Variants in RBM47 observed in about 807,000 individuals in gnomAD.
The protein encoded by RBM47 is RNA binding motif protein 47, also known as RNA-binding protein 47.
Under a neutral mutation model 47.1 loss-of-function variants are expected in RBM47, and 21 were observed. The observed-to-expected ratio is 0.45, with a 90% CI of 0.32 to 0.64. The LOEUF is 0.64. RBM47 is among the 30% of genes least tolerant of loss of function. RBM47 has a pLI of 0.05. For synonymous variants in RBM47, 375 were observed against 361.7 expected (o/e 1.04, Z -0.42); for missense variants, 708 against 870.9 (o/e 0.81, Z 2.35).
chr4:40,503,029 TTTG>T (rs1553891720), intron 2 of RBM47, among the ~76,000 whole-genome samples: 1 of 150,448 alleles, frequency 6.6e-6, no homozygotes, highest in Non-Finnish European at 1.5e-5. Context: ...AACAGTTGAA[TTTG>T]TTAAGCCTGG....
rs750811346 is a variant in RBM47 at position 40,438,333 on chromosome 4, C to T, written c.561G>A (p.Ala187=). ...GVLDVIVYAS[A]ADKMKNRGFA... is the part of the protein sequence containing the mutation. ...AGCCGCGGTTCTTCATCTTGTCGGC[C>T]GCGCTGGCGTAGACGATCACGTCCA... The change falls in exon 4 of 7, where the codon GCG becomes GCA. Residue 187 remains alanine, a synonymous_variant. Coordinates refer to ENST00000295971, the MANE Select transcript of RBM47 (RefSeq NM_001098634.2). The T allele has an allele frequency of 3.1e-5, 50 of 1,609,432 alleles. No individual in the cohort carries two copies. The Middle Eastern group carries it at 9.9e-4, about 32-fold the overall frequency.
At chr4:40,620,822 C>A (rs999481812) in intron 1 of RBM47, among the ~76,000 whole-genome samples, 3 of 152,164 alleles carry the variant, frequency 2.0e-5, no homozygotes, top group Non-Finnish European at 4.4e-5. Flanking sequence ...GCGTGAGCCA[C>A]TGCACCCGGC....
intron 2 of RBM47, among the ~76,000 whole-genome samples, chr4:40,521,232 T>G (rs2154256194): frequency 6.6e-6 from 1 of 152,318 alleles, no homozygotes; most frequent in African/African-American, 2.4e-5. Context: ...AGACAGAGTC[T>G]GCTTGTTGCC....
chr4:40,620,195 GAA>G lies in RBM47; in HGVS notation c.-240+9199_-240+9200del, dbSNP rs200356171. ...TGGGCGATAGAGTGAGACTCAGTAT[GAA>G]AAAAAAAAAAAAAAAAAAAAAAACT... On this transcript the variant is annotated intron_variant, in intron 1 of 6. Coordinates refer to ENST00000295971, the MANE Select transcript of RBM47 (RefSeq NM_001098634.2). Among the ~76,000 whole-genome samples, 619 of 80,068 alleles carry G rather than the reference GAA, an allele frequency of 7.7e-3. 6 individuals are homozygous for G. Among genetic ancestry groups the G allele is most frequent in the African/African-American group, 0.034 (577 of 16,798 alleles). The allele number at this position is 80,068 out of a possible 152,430, so 52.5% of individuals were successfully genotyped here. A position where few individuals can be genotyped will look rare whatever the true frequency, so the allele number is the denominator to read the frequency against.
chr4:40,532,438 G>A (rs567764282), intron 2 of RBM47, among the ~76,000 whole-genome samples: 53 of 146,084 alleles, frequency 3.6e-4, no homozygotes, highest in African/African-American at 1.0e-3. Context: ...TCAGCCTCCC[G>A]AGTAGCTGGG....
chr4:40,573,807 A>AAAAGAAAAAGAAAGAAAG (rs1732012250), intron 1 of RBM47, among the ~76,000 whole-genome samples: 6 of 136,760 alleles, frequency 4.4e-5, no homozygotes, highest in African/African-American at 1.8e-4. Flanking sequence ...GAAAGAAAGA[A>AAAAGAAAAAGAAAGAAAG]AAAGAAAGAA....
intron 1 of RBM47, among the ~76,000 whole-genome samples, chr4:40,616,715 C>G (rs1333444055): frequency 6.6e-6 from 1 of 151,960 alleles, no homozygotes; most frequent in Non-Finnish European, 1.5e-5. Context: ...ACCCTTTTTA[C>G]AAAGCTTACA....
intron 1 of RBM47, among the ~76,000 whole-genome samples, chr4:40,589,501 A>G (rs1165151425): frequency 2.6e-5 from 4 of 151,936 alleles, no homozygotes; most frequent in Non-Finnish European, 5.9e-5. Context: ...CAGTGGCACA[A>G]TCTCAGCTCA....
chr4:40,555,907 A>G (rs1730033721), intron 1 of RBM47, among the ~76,000 whole-genome samples: 1 of 152,172 alleles, frequency 6.6e-6, no homozygotes, highest in African/African-American at 2.4e-5. Flanking sequence ...GACTTCCCAG[A>G]AGTCATGGCC....
intron 2 of RBM47, among the ~76,000 whole-genome samples, chr4:40,500,609 T>TAC (rs1310214226): frequency 6.6e-6 from 1 of 151,910 alleles, no homozygotes; most frequent in Non-Finnish European, 1.5e-5. Context: ...AATATATATA[T>TAC]ATATAAAACC....
At chr4:40,482,464 G>A (rs56330609) in intron 2 of RBM47, among the ~76,000 whole-genome samples, 7,079 of 151,858 alleles carry the variant, frequency 0.047, 557 homozygotes, top group African/African-American at 0.16. Flanking sequence ...ATGTTGGCCA[G>A]GCTCGTCTTG....
At chr4:40,539,428 G>T (rs1728276959) in intron 2 of RBM47, among the ~76,000 whole-genome samples, 1 of 152,018 alleles carries the variant, frequency 6.6e-6, no homozygotes, top group Admixed American at 6.6e-5. Flanking sequence ...AACATGATGA[G>T]GAGGCCATTT....
chr4:40,561,554 T>C lies in RBM47; in HGVS notation c.-239-17048A>G, dbSNP rs1042296156. Among the ~76,000 whole-genome samples the C allele has an allele frequency of 1.1e-4, 15 of 138,914 alleles. No individual in the cohort carries two copies. The South Asian group carries it at 1.8e-3, about 17-fold the overall frequency. The allele number at this position is 138,914 out of a possible 152,430, so 91.1% of individuals were successfully genotyped here. A position where few individuals can be genotyped will look rare whatever the true frequency, so the allele number is the denominator to read the frequency against. On this transcript the variant is annotated intron_variant, in intron 1 of 6. Transcript: ENST00000295971. Reference sequence around the variant, plus strand: ...TTTGCTTCTTCTTTTCTTTTTTTTTTCTTTTTTTTTTTTGAGACAGGGTCT... The same window carrying C: ...TTTGCTTCTTCTTTTCTTTTTTTTTCCTTTTTTTTTTTTGAGACAGGGTCT...
intron 1 of RBM47, among the ~76,000 whole-genome samples, chr4:40,622,356 T>C (rs1417458893): frequency 6.6e-6 from 1 of 152,144 alleles, no homozygotes; most frequent in African/African-American, 2.4e-5. Flanking sequence ...GGGATGATGG[T>C]TCAGGCATCG....
chr4:40,505,654 G>A (rs376029422), intron 2 of RBM47, among the ~76,000 whole-genome samples: 6 of 151,758 alleles, frequency 4.0e-5, no homozygotes, highest in South Asian at 2.1e-4. Context: ...TTGGGAGGCC[G>A]AGGCGGGTAG....
chr4:40,423,354 G>A lies in RBM47; in HGVS notation c.*2550C>T, dbSNP rs1215210128. On this transcript the variant is annotated 3_prime_UTR_variant, in exon 7 of 7. Coordinates refer to ENST00000295971, the MANE Select transcript of RBM47 (RefSeq NM_001098634.2). ...TAAATGGAGCAAGATCTAAATAAAAGCTTTTCAAATATAAAGCAGCTAAAG... is the reference window on the plus strand; with the variant it reads ...TAAATGGAGCAAGATCTAAATAAAAACTTTTCAAATATAAAGCAGCTAAAG... The A allele has an allele frequency of 2.0e-5, 3 of 151,826 alleles. No individual in the cohort carries two copies. The highest frequency in any genetic ancestry group is 2.9e-5 in the Non-Finnish European group (2 of 67,968). The allele number at this position is 151,826 out of a possible 1,614,324, so 9.4% of individuals were successfully genotyped here. A position where few individuals can be genotyped will look rare whatever the true frequency, so the allele number is the denominator to read the frequency against.
At chr4:40,580,757 A>G (rs897991509) in intron 1 of RBM47, among the ~76,000 whole-genome samples, 4 of 152,256 alleles carry the variant, frequency 2.6e-5, no homozygotes, top group Non-Finnish European at 5.9e-5. Flanking sequence ...CAATACATAA[A>G]GGCAGAGACA....
At chr4:40,598,638 T>C (rs1468390531) in intron 1 of RBM47, among the ~76,000 whole-genome samples, 5 of 152,160 alleles carry the variant, frequency 3.3e-5, no homozygotes, top group African/African-American at 9.7e-5. Flanking sequence ...AATAAAATGC[T>C]GCTTTAAAGA....
chr4:40,554,310 C>G (rs1241598379), intron 1 of RBM47, among the ~76,000 whole-genome samples: 1 of 149,630 alleles, frequency 6.7e-6, no homozygotes, highest in Non-Finnish European at 1.5e-5. Context: ...CCAGGCACAA[C>G]AGTAACATCT....
Sources: gnomAD v4.1 joint callset for allele counts (sites outside exome capture counted in the v4.1 genomes callset) on GRCh38, gnomAD v4.1.1 for gene constraint, MANE v1.5 for transcripts, NCBI Gene and HGNC (gene_info 2026-07-23, HGNC 2026-07-21) for gene names.